CHD1L: variants seen among roughly 807,000 people sequenced by gnomAD.
CHD1L encodes the protein ATP-dependent chromatin remodeler CHD1L.
CHD1L carries 118 observed loss-of-function variants against 115.9 expected under a neutral mutation model. That is an observed-to-expected ratio of 1.02 (90% CI 0.88 to 1.19). The LOEUF (loss-of-function observed/expected upper bound fraction) is 1.19. Among genes scored for constraint, CHD1L ranks in the 50% most tolerant of loss-of-function variants. CHD1L has a pLI of 0.00. For synonymous variants in CHD1L, 411 were observed against 387.1 expected, an observed-to-expected ratio of 1.06 and a Z score of -0.72; for missense variants, 1,179 against 1,065.3, an observed-to-expected ratio of 1.11 and a Z score of -1.49.
At chr1:147,258,000 A>G (rs1192465035) in intron 5 of CHD1L, among the ~76,000 whole-genome samples, 1 of 152,208 alleles carries the variant, frequency 6.6e-6, no homozygotes, top group African/African-American at 2.4e-5. Flanking sequence ...TGTAGTATGA[A>G]TCCCAACAAC....
the CHD1L span, among the ~76,000 whole-genome samples, chr1:147,232,021 C>T: frequency 1.3e-5 from 2 of 152,164 alleles, no homozygotes; most frequent in African/African-American, 2.4e-5. Flanking sequence ...TTCTGCTTCG[C>T]TCATGCTGGG....
At chr1:147,191,725 A>G in the CHD1L span, among the ~76,000 whole-genome samples, 1 of 151,916 alleles carries the variant, frequency 6.6e-6, no homozygotes, top group Non-Finnish European at 1.5e-5. Context: ...AGCTTTCTAC[A>G]TATGGCTAGC....
At chr1:147,204,165 C>T in the CHD1L span, 1 of 1,239,754 alleles carries the variant, frequency 8.1e-7, no homozygotes. Context: ...TTTATCAACA[C>T]TGTTCCCTTA....
chr1:147,215,805 A>C, the CHD1L span: 1 of 1,613,418 alleles, frequency 6.2e-7, no homozygotes. Flanking sequence ...ACATCCTGAA[A>C]TACTCCAGGA....
At chr1:147,287,859 T>C (rs1367305549) in intron 19 of CHD1L, 126 bp downstream of exon 19, 6 of 682,788 alleles carry the variant, frequency 8.8e-6, no homozygotes, top group African/African-American at 1.8e-5. Context: ...GACTGAATTC[T>C]GTCATAAATT....
Position 147,270,936 on chromosome 1 carries a change from C to A in CHD1L, c.1090C>A (p.His364Asn). Residue 364 changes from histidine to asparagine, a missense_variant, in exon 11 of 23, where the codon CAT becomes AAT. Coordinates refer to ENST00000369258, the MANE Select transcript of CHD1L (RefSeq NM_004284.6). ...TCCTTTTCTTTTTCTTGCCAGGGGC[C>A]ATCGGGTTTTACTTTTCTCCCAAAT... is the stretch of plus-strand genomic sequence containing the variant. ...KLLAFLYSGG[H>N]RVLLFSQMTQ... 6.2e-7 allele frequency: 1 copy of A among 1,613,852 alleles called. No individual in the cohort carries two copies. Among genetic ancestry groups the A allele is most frequent in the Non-Finnish European group, 8.5e-7 (1 of 1,179,884 alleles).
At chr1:147,224,965 C>T in the CHD1L span, 2 of 1,614,078 alleles carry the variant, frequency 1.2e-6, no homozygotes, top group Non-Finnish European at 1.7e-6. Context: ...TTCTTCTACG[C>T]AGCACTTGAT....
the CHD1L span, chr1:147,214,769 A>G: frequency 6.6e-6 from 1 of 151,892 alleles, no homozygotes; most frequent in African/African-American, 2.4e-5. Flanking sequence ...TATTAATTAT[A>G]TTTATAATAA....
the CHD1L span, among the ~76,000 whole-genome samples, chr1:147,235,423 C>G: frequency 6.6e-6 from 1 of 152,132 alleles, no homozygotes; most frequent in Non-Finnish European, 1.5e-5. Flanking sequence ...AGGATAGCTA[C>G]TATTATCCTC....
intron 19 of CHD1L, among the ~76,000 whole-genome samples, chr1:147,290,417 A>C (rs587632968): frequency 1.3e-5 from 2 of 152,198 alleles, no homozygotes; most frequent in African/African-American, 4.8e-5. Context: ...GGAAGATTAC[A>C]TACTTTTTTT....
the CHD1L span, chr1:147,225,134 G>A: frequency 4.4e-6 from 7 of 1,575,922 alleles, no homozygotes; most frequent in East Asian, 6.7e-5. Context: ...GACCTTGGCC[G>A]TGGCATTCGA....
At chr1:147,288,322 C>CAAAAA (rs1294935544) in intron 19 of CHD1L, among the ~76,000 whole-genome samples, 27 of 87,886 alleles carry the variant, frequency 3.1e-4, no homozygotes, top group Non-Finnish European at 4.1e-4. Flanking sequence ...GACCCTGTTT[C>CAAAAA]AATAAAAAAA....
chr1:147,185,960 T>C, the CHD1L span, among the ~76,000 whole-genome samples: 1 of 152,200 alleles, frequency 6.6e-6, no homozygotes, highest in Non-Finnish European at 1.5e-5. Flanking sequence ...TTAATATCAG[T>C]TCTAATTTAA....
In CHD1L at chr1:147,259,926, T is replaced by TA; in HGVS notation, c.576+9dup. The TA allele has an allele frequency of 1.2e-6, 2 of 1,608,826 alleles. No individual in the cohort carries two copies. Among genetic ancestry groups the TA allele is most frequent in the Non-Finnish European group, 1.7e-6 (2 of 1,175,800 alleles). On this transcript the variant is annotated intron_variant, in intron 6 of 22. Coordinates refer to ENST00000369258, the MANE Select transcript of CHD1L (RefSeq NM_004284.6). Reference sequence around the variant, plus strand: ...CATAAGACCTTGTCAGAGGTAAACTTACAGTGTAGCCTTAGTTTTTATATA... The same window carrying TA: ...CATAAGACCTTGTCAGAGGTAAACTTAACAGTGTAGCCTTAGTTTTTATATA...
At chr1:147,278,862 C>T (rs373915904) in intron 14 of CHD1L, among the ~76,000 whole-genome samples, 2 of 152,216 alleles carry the variant, frequency 1.3e-5, no homozygotes, top group South Asian at 2.1e-4. Flanking sequence ...CTCTAACCTC[C>T]GAGCACATGC....
intron 5 of CHD1L, 79 bp downstream of exon 5, chr1:147,256,641 T>C (rs1670256019): frequency 7.2e-7 from 1 of 1,397,290 alleles, no homozygotes; most frequent in African/African-American, 1.4e-5. Flanking sequence ...TTTAGTACTT[T>C]GCCTCTCCTG....
chr1:147,280,306 A>G lies in CHD1L; in HGVS notation c.1705+115A>G, dbSNP rs782770058. 8 of 1,074,934 alleles carry G rather than the reference A, an allele frequency of 7.4e-6. No individual in the cohort carries two copies. In the East Asian group the frequency reaches 1.6e-4, roughly 21 times the overall value. 66.6% of individuals were successfully genotyped at this position (1,074,934 alleles called of 1,614,324 possible). A position where few individuals can be genotyped will look rare whatever the true frequency, so the allele number is the denominator to read the frequency against. ...GGGCATCTTTTTTCTCCCTTACCCT[A>G]TTGTCATTTGGGCACACTGTTTAAG... On this transcript the variant is annotated intron_variant, in intron 15 of 22. Transcript: ENST00000369258.
In CHD1L at chr1:147,278,819, G is replaced by A. The variant is rs773417662; in HGVS notation, c.1540-1207G>A. 4.6e-5 allele frequency among the ~76,000 whole-genome samples: 7 copies of A among 152,190 alleles called. No individual in the cohort carries two copies. In the South Asian group the frequency reaches 6.2e-4, roughly 14 times the overall value. On this transcript the variant is annotated intron_variant, in intron 14 of 22. Transcript: ENST00000369258. The stretch of plus-strand genomic sequence containing the variant: ...CCCCATCTTAAGTAATTTGCCCAAG[G>A]TTATTCAGATTTAGGATTCCAATCC...
chr1:147,286,262 C>A, intron 17 of CHD1L, 36 bp from the exon 18 acceptor site: 1 of 1,597,288 alleles, frequency 6.3e-7, no homozygotes, highest in South Asian at 1.1e-5. Context: ...TTGTGATTGT[C>A]TGGGTTAATT....
Sources: gnomAD v4.1 joint callset for allele counts (sites outside exome capture counted in the v4.1 genomes callset) on GRCh38, gnomAD v4.1.1 for gene constraint, MANE v1.5 for transcripts, NCBI Gene and HGNC (gene_info 2026-07-23, HGNC 2026-07-21) for gene names.